Variants in DLGAP1 observed in about 807,000 individuals in gnomAD.
DLGAP1 encodes DLG associated protein 1.
DLGAP1 carries 11 observed loss-of-function variants against 90.8 expected under a neutral mutation model. That is an observed-to-expected ratio of 0.12 (90% CI 0.08 to 0.20). DLGAP1 has a LOEUF of 0.20. Ranked by LOEUF, DLGAP1 falls within the 10% of genes least tolerant of loss-of-function variation. The pLI is 1.00. For synonymous variants in DLGAP1, 558 were observed against 540.7 expected (o/e 1.03, Z -0.44); for missense variants, 1,050 against 1,333.8 (o/e 0.79, Z 3.31).
At chr18:4,168,102 T>G (rs2076960740) in intron 1 of DLGAP1, among the ~76,000 whole-genome samples, 1 of 152,094 alleles carries the variant, frequency 6.6e-6, no homozygotes, top group Non-Finnish European at 1.5e-5. Flanking sequence ...AAAATGTATA[T>G]GGAAATAAAC....
chr18:3,557,250 G>A (rs996672415), intron 9 of DLGAP1, among the ~76,000 whole-genome samples: 8 of 152,078 alleles, frequency 5.3e-5, no homozygotes, highest in Admixed American at 2.0e-4. Context: ...TGCCGGGTGC[G>A]GTGGCTCACG....
chr18:3,893,581 AAATAATAATAATAATAATAATAAT>A (rs57334634), intron 3 of DLGAP1, among the ~76,000 whole-genome samples: 1 of 143,064 alleles, frequency 7.0e-6, no homozygotes, highest in South Asian at 2.2e-4. Flanking sequence ...CTCAATCTCA[AAATAATAATAATAATAATAATAAT>A]AATAATAATA....
chr18:3,746,357 T>G (rs934205946), intron 5 of DLGAP1, among the ~76,000 whole-genome samples: 4 of 152,060 alleles, frequency 2.6e-5, no homozygotes, highest in Non-Finnish European at 5.9e-5. Flanking sequence ...TAAAGCCTTA[T>G]GGAAGGCAAT....
At chr18:4,372,692 T>G (rs1029560258) in intron 1 of DLGAP1, among the ~76,000 whole-genome samples, 7 of 151,474 alleles carry the variant, frequency 4.6e-5, no homozygotes, top group African/African-American at 1.7e-4. Context: ...TTTGGGAGGG[T>G]GAGGCGGGTG....
At chr18:3,870,627 T>G (rs1019342886) in intron 4 of DLGAP1, among the ~76,000 whole-genome samples, 1 of 151,988 alleles carries the variant, frequency 6.6e-6, no homozygotes, top group African/African-American at 2.4e-5. Context: ...TATCTATCTA[T>G]CTATCTATCT....
intron 7 of DLGAP1, among the ~76,000 whole-genome samples, chr18:3,700,783 G>A (rs1455127271): frequency 6.6e-6 from 1 of 151,798 alleles, no homozygotes; most frequent in African/African-American, 2.4e-5. Context: ...CTAATTTTTT[G>A]TACTTTTGGT....
chr18:4,380,650 T>C (rs980812191), intron 1 of DLGAP1, among the ~76,000 whole-genome samples: 54 of 152,320 alleles, frequency 3.5e-4, no homozygotes, highest in African/African-American at 1.1e-3. Flanking sequence ...TCTTTTAATC[T>C]TTACCAAACT....
intron 10 of DLGAP1, among the ~76,000 whole-genome samples, chr18:3,515,723 G>T (rs950685498): frequency 6.8e-6 from 1 of 148,046 alleles, no homozygotes; most frequent in African/African-American, 2.5e-5. Flanking sequence ...AGTCTGCAGT[G>T]AGCCGTGATT....
chr18:4,089,113 A>G (rs1405517948), intron 2 of DLGAP1, among the ~76,000 whole-genome samples: 3 of 152,210 alleles, frequency 2.0e-5, no homozygotes, highest in African/African-American at 7.2e-5. Flanking sequence ...GTCTCAGGAT[A>G]CAAAATCAAT....
intron 3 of DLGAP1, among the ~76,000 whole-genome samples, chr18:3,931,555 C>G (rs934284915): frequency 2.0e-5 from 3 of 152,172 alleles, no homozygotes; most frequent in Non-Finnish European, 4.4e-5. Context: ...TGAGAGTCTA[C>G]ATTTGTAATT....
At chr18:3,884,537 T>TATTTA (rs1202701307) in intron 3 of DLGAP1, among the ~76,000 whole-genome samples, 1 of 152,224 alleles carries the variant, frequency 6.6e-6, no homozygotes, top group African/African-American at 2.4e-5. Context: ...AGGTATTCAG[T>TATTTA]ATTTAATTAT....
intron 5 of DLGAP1, among the ~76,000 whole-genome samples, chr18:3,773,518 T>C (rs968046519): frequency 3.3e-5 from 5 of 152,196 alleles, no homozygotes; most frequent in African/African-American, 9.6e-5. Context: ...ATGCAAGAAT[T>C]GAGCAATTGG....
intron 7 of DLGAP1, among the ~76,000 whole-genome samples, chr18:3,604,951 G>C (rs1179450407): frequency 1.3e-5 from 2 of 152,172 alleles, no homozygotes; most frequent in Non-Finnish European, 2.9e-5. Flanking sequence ...CAGGGAAAAT[G>C]CATTTTGTAG....
At chr18:4,421,106 A>G (rs1365693720) in intron 1 of DLGAP1, among the ~76,000 whole-genome samples, 1 of 152,202 alleles carries the variant, frequency 6.6e-6, no homozygotes, top group African/African-American at 2.4e-5. Context: ...AAAATAACAG[A>G]AAGTTATACT....
At chr18:3,705,405 T>A (rs1240827612) in intron 7 of DLGAP1, among the ~76,000 whole-genome samples, 1 of 151,972 alleles carries the variant, frequency 6.6e-6, no homozygotes, top group East Asian at 1.9e-4. Flanking sequence ...TGGTGCAGTA[T>A]TATAGTTGCA....
At chr18:3,931,459 A>C (rs2072513988) in intron 3 of DLGAP1, among the ~76,000 whole-genome samples, 1 of 152,028 alleles carries the variant, frequency 6.6e-6, no homozygotes, top group Non-Finnish European at 1.5e-5. Context: ...TTAAATCTGG[A>C]TATGCTTTGG....
chr18:4,361,893 C>A (rs1221150225), intron 1 of DLGAP1, among the ~76,000 whole-genome samples: 3 of 152,008 alleles, frequency 2.0e-5, no homozygotes, highest in Non-Finnish European at 2.9e-5. Context: ...CAGCTAAAAA[C>A]CAGAAGACCT....
At chr18:3,985,984 A>G (rs1473739222) in intron 3 of DLGAP1, 3 of 152,176 alleles carry the variant, frequency 2.0e-5, no homozygotes, top group Admixed American at 2.0e-4. Context: ...GCGGAAAGTC[A>G]TCCTAGCGCA....
intron 5 of DLGAP1, chr18:3,770,944 T>C (rs992408305): frequency 2.0e-5 from 3 of 152,234 alleles, no homozygotes; most frequent in African/African-American, 7.2e-5. Flanking sequence ...TGGTAAATTA[T>C]AGTAATTTCT....
Sources: allele counts gnomAD v4.1 joint callset (sites outside exome capture counted in the v4.1 genomes callset), GRCh38; gene constraint gnomAD v4.1.1; transcripts MANE v1.5; gene names NCBI Gene and HGNC (gene_info 2026-07-23, HGNC 2026-07-21).